MYRFL: variants seen among roughly 807,000 people sequenced by gnomAD.
MYRFL encodes myelin regulatory factor like, also known as myelin regulatory factor-like protein.
In MYRFL, 88 loss-of-function variants were observed where a neutral mutation model predicts 109.4. The ratio of observed to expected loss-of-function variants is 0.80; its 90% CI spans 0.68 to 0.96. The LOEUF is 0.96. Among genes scored for constraint, MYRFL ranks in the 40% least tolerant of loss-of-function variants. The pLI, the probability that MYRFL is intolerant of heterozygous loss-of-function variation, is 0.00. For missense variants in MYRFL, 957 were observed against 954.9 expected (o/e 1.00, Z -0.03); for synonymous variants, 324 against 320.9 (o/e 1.01, Z -0.10).
At chr12:69,877,029 T>TCTTTC (rs1565988324) in intron 2 of MYRFL, among the ~76,000 whole-genome samples, 5 of 117,580 alleles carry the variant, frequency 4.3e-5, no homozygotes, top group African/African-American at 1.2e-4. Context: ...CTTTCTTTTT[T>TCTTTC]TTTTTTTTTT....
At chr12:69,854,346 G>GGAGGGA (rs138931391) in intron 1 of MYRFL, among the ~76,000 whole-genome samples, 30,162 of 141,288 alleles carry the variant, frequency 0.21, 3,888 homozygotes, top group Middle Eastern at 0.33. Flanking sequence ...AGGGGGAGGG[G>GGAGGGA]GAGGGAGAGG....
At chr12:69,939,789 C>CTT (rs1448100810) in intron 19 of MYRFL, among the ~76,000 whole-genome samples, 1 of 151,762 alleles carries the variant, frequency 6.6e-6, no homozygotes, top group South Asian at 2.1e-4. Flanking sequence ...AAGTTGAAAA[C>CTT]TTTGAAAAAA....
At chr12:69,909,669 A>G (rs1366445541) in intron 11 of MYRFL, among the ~76,000 whole-genome samples, 2 of 152,148 alleles carry the variant, frequency 1.3e-5, no homozygotes, top group African/African-American at 4.8e-5. Flanking sequence ...GATTGTTATC[A>G]TTTTGCTGGG....
intron 10 of MYRFL, among the ~76,000 whole-genome samples, chr12:69,901,423 A>G (rs552786208): frequency 1.3e-5 from 2 of 152,232 alleles, no homozygotes; most frequent in African/African-American, 2.4e-5. Context: ...AATGTTGTGA[A>G]TCTGTGGCCC....
chr12:69,890,255 C>CT (rs937144143), intron 6 of MYRFL, among the ~76,000 whole-genome samples: 4 of 147,158 alleles, frequency 2.7e-5, no homozygotes, highest in Non-Finnish European at 4.7e-5. Flanking sequence ...AATTTTGAGA[C>CT]TTTTTTTTCC....
intron 1 of MYRFL, among the ~76,000 whole-genome samples, chr12:69,846,465 C>A (rs1182885357): frequency 2.0e-5 from 3 of 151,160 alleles, no homozygotes; most frequent in Non-Finnish European, 4.4e-5. Flanking sequence ...TTTGTTCTTG[C>A]GATAGTTCAC....
intron 11 of MYRFL, 102 bp downstream of exon 11, chr12:69,903,946 G>A (rs1219691322): frequency 9.6e-7 from 1 of 1,045,182 alleles, no homozygotes; most frequent in East Asian, 2.6e-5. Context: ...ATCTTTACAT[G>A]TCACCCACTG....
At chr12:69,922,132 T>G (rs952124917) in intron 13 of MYRFL, among the ~76,000 whole-genome samples, 1 of 151,976 alleles carries the variant, frequency 6.6e-6, no homozygotes, top group Non-Finnish European at 1.5e-5. Flanking sequence ...GTGAGCAGGG[T>G]GCAGGGAGGG....
intron 1 of MYRFL, among the ~76,000 whole-genome samples, chr12:69,845,106 A>T (rs1319203994): frequency 6.6e-6 from 1 of 152,020 alleles, no homozygotes; most frequent in Non-Finnish European, 1.5e-5. Flanking sequence ...CCGCATAGAA[A>T]AGTGTTCCCT....
chr12:69,836,413 A>T (rs529342915), intron 1 of MYRFL, among the ~76,000 whole-genome samples: 20 of 151,966 alleles, frequency 1.3e-4, no homozygotes, highest in Non-Finnish European at 2.2e-4. Flanking sequence ...TAGGGAACAC[A>T]CCCTCCTCTA....
At chr12:69,913,046 T>C (rs1229894767) in intron 13 of MYRFL, among the ~76,000 whole-genome samples, 3 of 152,232 alleles carry the variant, frequency 2.0e-5, no homozygotes, top group Non-Finnish European at 2.9e-5. Flanking sequence ...GATTTACATT[T>C]CCTTAATGAT....
At chr12:69,909,840 C>G in intron 11 of MYRFL, 129 bp from the exon 12 acceptor site, 1 of 692,456 alleles carries the variant, frequency 1.4e-6, no homozygotes, top group Non-Finnish European at 2.3e-6. Flanking sequence ...GGCTTGGAAT[C>G]CACTTGAAGA....
intron 15 of MYRFL, among the ~76,000 whole-genome samples, chr12:69,932,026 A>G (rs1955288415): frequency 1.3e-5 from 2 of 152,236 alleles, no homozygotes; most frequent in Non-Finnish European, 2.9e-5. Flanking sequence ...TTATAATTTT[A>G]AAAAGTGTTT....
At chr12:69,876,519 T>G (rs1340916310) in intron 2 of MYRFL, among the ~76,000 whole-genome samples, 2 of 152,328 alleles carry the variant, frequency 1.3e-5, no homozygotes, top group East Asian at 3.9e-4. Flanking sequence ...TAGCATTCCC[T>G]ATTTATCTGG....
chr12:69,870,691 A>G (rs141566515), intron 2 of MYRFL, among the ~76,000 whole-genome samples: 168 of 152,318 alleles, frequency 1.1e-3, no homozygotes, highest in African/African-American at 3.8e-3. Context: ...AATTTCTCTA[A>G]CTGTATTTAA....
intron 2 of MYRFL, among the ~76,000 whole-genome samples, chr12:69,867,074 GT>G (rs1383949805): frequency 6.6e-6 from 1 of 152,230 alleles, no homozygotes; most frequent in Non-Finnish European, 1.5e-5. Flanking sequence ...ACATGTGAAG[GT>G]TTGTGTAAAT....
intron 5 of MYRFL, among the ~76,000 whole-genome samples, chr12:69,886,017 G>A (rs1417376305): frequency 6.6e-6 from 1 of 151,872 alleles, no homozygotes; most frequent in Non-Finnish European, 1.5e-5. Context: ...CAGAATCTTG[G>A]AGCCACAAAA....
intron 9 of MYRFL, among the ~76,000 whole-genome samples, chr12:69,896,597 T>C (rs925407261): frequency 2.0e-5 from 3 of 152,218 alleles, no homozygotes; most frequent in Non-Finnish European, 2.9e-5. Flanking sequence ...GTCTCAGTCT[T>C]TGGCTAAAGT....
chr12:69,862,477 T>G (rs1230995634), intron 2 of MYRFL, among the ~76,000 whole-genome samples: 3 of 151,088 alleles, frequency 2.0e-5, no homozygotes, highest in East Asian at 1.9e-4. Flanking sequence ...CCCTTGTAAG[T>G]TGGATTCCTA....
Sources: allele counts gnomAD v4.1 joint callset (sites outside exome capture counted in the v4.1 genomes callset), GRCh38; gene constraint gnomAD v4.1.1; transcripts MANE v1.5; gene names NCBI Gene and HGNC (gene_info 2026-07-23, HGNC 2026-07-21).